Variants in ANKDD1A observed in about 807,000 individuals in gnomAD.
ANKDD1A encodes the protein ankyrin repeat and death domain-containing protein 1A.
A neutral mutation model predicts 63.5 loss-of-function variants in ANKDD1A; 59 were observed. That is an observed-to-expected ratio of 0.93 (90% CI 0.75 to 1.15). ANKDD1A has a LOEUF of 1.15. Among genes scored for constraint, ANKDD1A ranks in the 50% most tolerant of loss-of-function variants. ANKDD1A has a pLI of 0.00. For missense variants in ANKDD1A, 632 were observed against 656.4 expected (o/e 0.96, Z 0.41); for synonymous variants, 266 against 263.9 (o/e 1.01, Z -0.08).
chr15:64,921,946 C>T lies in ANKDD1A; in HGVS notation c.293C>T (p.Ser98Phe), dbSNP rs764555472. Residue 98 changes from serine (S) to phenylalanine (F), a missense_variant, in exon 4 of 15, where the codon TCT (serine) becomes TTT (phenylalanine). Physicochemically the swap from Ser to Phe is radical, Grantham distance 155. Transcript: ENST00000319580. The stretch of plus-strand genomic sequence containing the variant: ...TTTGGGATGAATGCGCTTCTCCTGT[C>T]TGCCTGGTTCGGCCACTTACGAATC... ...LCFGMNALLL[S>F]AWFGHLRILQ... The T allele has an allele frequency of 5.5e-5, 89 of 1,614,074 alleles. No homozygotes were observed. Among genetic ancestry groups the T allele is most frequent in the Non-Finnish European group, 7.5e-5 (88 of 1,180,030 alleles).
chr15:64,955,479 C>A (rs2085409337), intron 14 of ANKDD1A, among the ~76,000 whole-genome samples: 1 of 152,106 alleles, frequency 6.6e-6, no homozygotes, highest in African/African-American at 2.4e-5. Context: ...CTTTGAGGTG[C>A]CAGGCAAGCA....
In ANKDD1A at chr15:64,926,161, C is replaced by T. The variant is rs552484931; in HGVS notation, c.462C>T (p.His154=). The T allele has an allele frequency of 5.0e-6, 8 of 1,613,754 alleles. No homozygotes were observed. The highest frequency in any genetic ancestry group is 2.7e-5 in the African/African-American group (2 of 75,016). The change falls in exon 5 of 15, where the codon CAC becomes CAT. Residue 154 remains histidine, a synonymous_variant. Coordinates refer to ENST00000319580, the MANE Select transcript of ANKDD1A (RefSeq NM_182703.6). ...MEDLEDVALD[H]VDKLGRTAFH... is the part of the protein sequence containing the mutation. ...ACCTGGAGGATGTGGCCCTGGACCACGTAGACAAGGTGAGAGTGCCTCAGG... is the reference window on the plus strand; with the variant it reads ...ACCTGGAGGATGTGGCCCTGGACCATGTAGACAAGGTGAGAGTGCCTCAGG...
chr15:64,949,778 G>A (rs1328803222), intron 13 of ANKDD1A, 63 bp from the exon 14 acceptor site: 16 of 1,580,990 alleles, frequency 1.0e-5, no homozygotes, highest in African/African-American at 2.7e-5. Context: ...ATAGACAGGC[G>A]CTCTGGTCAA....
In ANKDD1A at chr15:64,953,926, C is replaced by T. The variant is rs1321221854; in HGVS notation, c.1484-3177C>T. Among the ~76,000 whole-genome samples, 228 of 9,670 alleles carry T rather than the reference C, an allele frequency of 0.024. 18 individuals carry two copies. The South Asian group carries it at 0.35, about 15-fold the overall frequency. The allele number at this position is 9,670 out of a possible 152,430, so 6.3% of individuals were successfully genotyped here. ...CTTCCCTCTTCTTTCTTCTCTTTTTCTTTTTTCTTTTCTTCCTCTTCTTCT... is the reference window on the plus strand; with the variant it reads ...CTTCCCTCTTCTTTCTTCTCTTTTTTTTTTTTCTTTTCTTCCTCTTCTTCT... On this transcript the variant is annotated intron_variant, in intron 14 of 14. Coordinates refer to ENST00000319580, the MANE Select transcript of ANKDD1A (RefSeq NM_182703.6).
At chr15:64,951,735 C>CTTTTCTTCTT (rs1595858605) in intron 14 of ANKDD1A, among the ~76,000 whole-genome samples, 12 of 5,460 alleles carry the variant, frequency 2.2e-3, no homozygotes, top group Admixed American at 3.5e-3. Context: ...TTCTTCTTTC[C>CTTTTCTTCTT]TCCTTCTTCC....
chr15:64,921,544 T>A (rs1261388953), intron 3 of ANKDD1A, among the ~76,000 whole-genome samples: 1 of 151,980 alleles, frequency 6.6e-6, no homozygotes, highest in Non-Finnish European at 1.5e-5. Flanking sequence ...TCGGCTAATT[T>A]TTCTATTTTT....
At chr15:64,916,684 T>C (rs1257281063) in intron 2 of ANKDD1A, among the ~76,000 whole-genome samples, 3 of 152,132 alleles carry the variant, frequency 2.0e-5, no homozygotes, top group Non-Finnish European at 4.4e-5. Flanking sequence ...GAGGGAATAG[T>C]ATGGGCAGAA....
chr15:64,948,701 C>T (rs1446307900), intron 13 of ANKDD1A, among the ~76,000 whole-genome samples: 1 of 151,992 alleles, frequency 6.6e-6, no homozygotes, highest in East Asian at 1.9e-4. Flanking sequence ...TGGTCGGGTC[C>T]TGTAATCCCA....
Position 64,958,272 on chromosome 15 carries a change from A to G in ANKDD1A, c.*1084A>G, listed in dbSNP as rs2085437835. ...TGACATTGGGCATTGGTCAAAACCCATAGCATGTACAGCACAAAGCGTTTG... is the reference window on the plus strand; with the variant it reads ...TGACATTGGGCATTGGTCAAAACCCGTAGCATGTACAGCACAAAGCGTTTG... On this transcript the variant is annotated 3_prime_UTR_variant, in exon 15 of 15. Coordinates refer to ENST00000319580, the MANE Select transcript of ANKDD1A (RefSeq NM_182703.6). 6.6e-6 allele frequency: 1 copy of G among 152,268 alleles called. No homozygotes were observed. The highest frequency in any genetic ancestry group is 6.5e-5 in the Admixed American group (1 of 15,286). The allele number at this position is 152,268 out of a possible 1,614,324, so 9.4% of individuals were successfully genotyped here.
chr15:64,952,912 TTC>T, intron 14 of ANKDD1A, among the ~76,000 whole-genome samples: 2 of 148,090 alleles, frequency 1.4e-5, no homozygotes, highest in African/African-American at 4.9e-5. Flanking sequence ...CCTTCTCTTC[TTC>T]TCCTTCTTCT....
At chr15:64,951,727 C>CTTTTTTCCTT (rs1437556850) in intron 14 of ANKDD1A, among the ~76,000 whole-genome samples, 1 of 138,020 alleles carries the variant, frequency 7.2e-6, no homozygotes, top group South Asian at 2.3e-4. Flanking sequence ...CTTCCCTTTT[C>CTTTTTTCCTT]TTCTTTCCTC....
At chr15:64,925,345 T>C (rs1269085463) in intron 4 of ANKDD1A, among the ~76,000 whole-genome samples, 1 of 151,952 alleles carries the variant, frequency 6.6e-6, no homozygotes, top group African/African-American at 2.4e-5. Context: ...CACTGATGGG[T>C]TGCAAACAGG....
At chr15:64,935,205 G>A (rs2085119647) in intron 9 of ANKDD1A, among the ~76,000 whole-genome samples, 2 of 146,848 alleles carry the variant, frequency 1.4e-5, no homozygotes, top group Non-Finnish European at 3.0e-5. Flanking sequence ...TCCAGCCTGG[G>A]CAAGAGTGAG....
chr15:64,919,245 G>A (rs2140365671), intron 3 of ANKDD1A, among the ~76,000 whole-genome samples: 1 of 152,228 alleles, frequency 6.6e-6, no homozygotes, highest in South Asian at 2.1e-4. Flanking sequence ...CCTCAGTCCT[G>A]AGCCTTCACC....
intron 3 of ANKDD1A, among the ~76,000 whole-genome samples, chr15:64,921,298 A>T (rs2085004986): frequency 6.6e-6 from 1 of 152,170 alleles, no homozygotes; most frequent in African/African-American, 2.4e-5. Flanking sequence ...ATATTCTAAG[A>T]TTGGTTCCTT....
At chr15:64,931,205 A>G (rs2085087972) in intron 7 of ANKDD1A, among the ~76,000 whole-genome samples, 1 of 152,066 alleles carries the variant, frequency 6.6e-6, no homozygotes, top group Non-Finnish European at 1.5e-5. Flanking sequence ...AGGAGAAGGA[A>G]ATAGAGGGGA....
chr15:64,952,221 T>C (rs2085301530), intron 14 of ANKDD1A, among the ~76,000 whole-genome samples: 1 of 148,794 alleles, frequency 6.7e-6, no homozygotes, highest in African/African-American at 2.6e-5. Context: ...TTCTTCTTCT[T>C]CCTTCTCCTC....
At chr15:64,931,821 G>A in intron 8 of ANKDD1A, 2 of 598,262 alleles carry the variant, frequency 3.3e-6, no homozygotes, top group Admixed American at 5.9e-5. Context: ...TTTTTACATT[G>A]TTGTGAGGAT....
intron 14 of ANKDD1A, 68 bp downstream of exon 14, chr15:64,950,040 C>T (rs2085257654): frequency 3.2e-6 from 5 of 1,578,518 alleles, no homozygotes; most frequent in Non-Finnish European, 3.4e-6. Context: ...CAGCAGGGCC[C>T]TCCAAGGGCT....
Sources: allele counts gnomAD v4.1 joint callset (sites outside exome capture counted in the v4.1 genomes callset), GRCh38; gene constraint gnomAD v4.1.1; transcripts MANE v1.5; gene names NCBI Gene and HGNC (gene_info 2026-07-23, HGNC 2026-07-21).